TACC2: variants seen among roughly 807,000 people sequenced by gnomAD.
The protein encoded by TACC2 is transforming acidic coiled-coil containing protein 2.
In TACC2, 137 loss-of-function variants were observed where a neutral mutation model predicts 227.3. That is an observed-to-expected ratio of 0.60 (90% CI 0.52 to 0.69). TACC2 has a LOEUF of 0.69. TACC2 is among the 30% of genes least tolerant of loss of function. The probability of loss-of-function intolerance (pLI) is 0.00; values close to 1 mark genes in which losing one functional copy is unlikely to be tolerated. For missense variants in TACC2, 3,470 were observed against 3,694.4 expected (o/e 0.94, Z 1.57); for synonymous variants, 1,523 against 1,487.5 (o/e 1.02, Z -0.55).
intron 5 of TACC2, among the ~76,000 whole-genome samples, chr10:122,102,349 C>G (rs76333658): frequency 6.6e-6 from 1 of 152,320 alleles, no homozygotes; most frequent in East Asian, 1.9e-4. Flanking sequence ...GCAGATCAAA[C>G]CAACTCGGCT....
chr10:122,023,389 C>T (rs1479447658), intron 2 of TACC2: 1 of 152,084 alleles, frequency 6.6e-6, no homozygotes, highest in Non-Finnish European at 1.5e-5. Flanking sequence ...TTGTCAAACT[C>T]CAGCATCTTT....
chr10:122,121,471 G>A (rs999634162), intron 5 of TACC2, among the ~76,000 whole-genome samples: 20 of 152,228 alleles, frequency 1.3e-4, no homozygotes, highest in South Asian at 4.1e-4. Flanking sequence ...GTCTGGCCCC[G>A]GGCTCTGGCC....
rs56353338 is a variant in TACC2, at chr10:122,150,728, C to T, written c.5834+7022C>T. The stretch of plus-strand genomic sequence containing the variant: ...CCGAGTGCCTCGCCGTGTTGATGAG[C>T]CAGTTTCTTTAATACTTCGCTGTCA... On this transcript the variant is annotated intron_variant, in intron 7 of 22. Coordinates refer to ENST00000369005, the MANE Select transcript of TACC2 (RefSeq NM_206862.4). The surrounding 1 kb of genome is among the most constrained non-coding windows in gnomAD (Gnocchi z 4.0). 0.11 allele frequency among the ~76,000 whole-genome samples: 16,484 copies of T among 152,170 alleles called. 1,005 individuals are homozygous for T. Among genetic ancestry groups the T allele is most frequent in the Admixed American group, 0.16 (2,405 of 15,300 alleles).
intron 5 of TACC2, among the ~76,000 whole-genome samples, chr10:122,103,402 A>G (rs2082390044): frequency 6.6e-6 from 1 of 152,230 alleles, no homozygotes; most frequent in South Asian, 2.1e-4. Flanking sequence ...TACCTGCTGC[A>G]TAGGCTCATT....
At chr10:122,233,803 C>T (rs555513031) in intron 16 of TACC2, among the ~76,000 whole-genome samples, 53 of 152,140 alleles carry the variant, frequency 3.5e-4, no homozygotes, top group African/African-American at 1.0e-3. Flanking sequence ...TGGGCAGGAG[C>T]GGCTGGCTGT....
intron 1 of TACC2, among the ~76,000 whole-genome samples, chr10:122,012,153 A>G (rs1309459494): frequency 6.6e-6 from 1 of 151,982 alleles, no homozygotes; most frequent in Non-Finnish European, 1.5e-5. Context: ...CGGACACGGT[A>G]GCTCATGCCT....
intron 9 of TACC2, among the ~76,000 whole-genome samples, chr10:122,214,541 C>T (rs569232298): frequency 3.9e-5 from 6 of 152,116 alleles, no homozygotes; most frequent in African/African-American, 9.6e-5. Context: ...GGGCTGGAGA[C>T]GGGGCAGGGG....
Position 122,085,213 on chromosome 10 carries a change from C to T in TACC2, c.2713C>T (p.Leu905Phe). ...TTTGGGATCAGAACTTCAAAGTCAG[C>T]TCCCCAAAGGCACCCTGTCTGATAC... ...QALGSELQSQ[L>F]PKGTLSDTPT... is the part of the protein sequence containing the mutation. Residue 905 changes from leucine to phenylalanine, a missense_variant, in exon 4 of 23, where the codon CTC becomes TTC. Physicochemically the swap from Leu to Phe is conservative, Grantham distance 22. Transcript: ENST00000369005. 4.3e-6 allele frequency: 7 copies of T among 1,614,054 alleles called. No individual in the cohort carries two copies. Among genetic ancestry groups the T allele is most frequent in the Non-Finnish European group, 5.9e-6 (7 of 1,180,038 alleles).
intron 2 of TACC2, among the ~76,000 whole-genome samples, chr10:122,049,143 C>T (rs566591397): frequency 1.3e-5 from 2 of 152,322 alleles, no homozygotes; most frequent in African/African-American, 4.8e-5. Flanking sequence ...TTGCTAGTGA[C>T]AGAAATTCAG....
At chr10:122,212,010 T>A (rs1057466935) in intron 9 of TACC2, among the ~76,000 whole-genome samples, 2 of 152,246 alleles carry the variant, frequency 1.3e-5, no homozygotes, top group Non-Finnish European at 2.9e-5. Flanking sequence ...TCCAGAGCAA[T>A]CTGGGAGATC....
At chr10:122,036,588 T>G (rs1960478106) in intron 2 of TACC2, among the ~76,000 whole-genome samples, 1 of 146,932 alleles carries the variant, frequency 6.8e-6, no homozygotes, top group Non-Finnish European at 1.5e-5. Context: ...GCAACCTCCA[T>G]CTCCCAAGTT....
At chr10:122,164,089 G>A (rs2093001070) in intron 7 of TACC2, 1 of 1,446,020 alleles carries the variant, frequency 6.9e-7, no homozygotes, top group African/African-American at 1.4e-5. Flanking sequence ...TGTGCAACCT[G>A]GAGCCCAGGC....
chr10:122,022,155 A>T, intron 2 of TACC2, 141 bp downstream of exon 2: 2 of 723,532 alleles, frequency 2.8e-6, no homozygotes, highest in Non-Finnish European at 4.7e-6. Flanking sequence ...GCATTTATGG[A>T]TCTATGCAGC....
chr10:122,206,510 G>A (rs2095113871), intron 8 of TACC2, among the ~76,000 whole-genome samples: 1 of 152,210 alleles, frequency 6.6e-6, no homozygotes, highest in Non-Finnish European at 1.5e-5. Context: ...CAGAGAAAAG[G>A]CCATCTGCAA....
intron 7 of TACC2, among the ~76,000 whole-genome samples, chr10:122,146,306 T>C (rs1046606950): frequency 6.6e-6 from 1 of 152,170 alleles, no homozygotes; most frequent in African/African-American, 2.4e-5. Flanking sequence ...GTTATCAATA[T>C]ATTGATACAT....
intron 5 of TACC2, among the ~76,000 whole-genome samples, chr10:122,129,272 C>T (rs112155784): frequency 1.3e-5 from 2 of 151,642 alleles, no homozygotes; most frequent in East Asian, 3.9e-4. Context: ...TGGCCAGGCT[C>T]GTCTCGAACT....
At chr10:122,223,051 CTCTTT>C (rs2095552728) in intron 11 of TACC2, among the ~76,000 whole-genome samples, 1 of 133,782 alleles carries the variant, frequency 7.5e-6, no homozygotes, top group Non-Finnish European at 1.5e-5. Flanking sequence ...CTCTCTCTCT[CTCTTT>C]TTTTTTTTTT....
intron 5 of TACC2, among the ~76,000 whole-genome samples, chr10:122,107,878 A>ATTTTTTTTTTTTTTTTTTTTTTT (rs1204393563): frequency 1.1e-5 from 1 of 88,450 alleles, no homozygotes; most frequent in Non-Finnish European, 2.1e-5. Flanking sequence ...ATATATATAT[A>ATTTTTTTTTTTTTTTTTTTTTTT]TATTTTTTTT....
rs569695796 is a variant in TACC2, at chr10:122,248,970, C to T, written c.8554-80C>T. On this transcript the variant is annotated intron_variant, in intron 20 of 22. Coordinates refer to ENST00000369005, the MANE Select transcript of TACC2 (RefSeq NM_206862.4). ...GGCCGCCTGGGGTTACACCTGCATC[C>T]GAGAGTTCCTGGGGTTCCCACCAGT... 2.2e-4 allele frequency: 324 copies of T among 1,498,868 alleles called. No individual in the cohort carries two copies. The Middle Eastern group carries it at 2.9e-3, about 14-fold the overall frequency. The allele number at this position is 1,498,868 out of a possible 1,614,324, so 92.8% of individuals were successfully genotyped here.
Sources: gnomAD v4.1 joint callset for allele counts (sites outside exome capture counted in the v4.1 genomes callset) on GRCh38, gnomAD v4.1.1 for gene constraint, Gnocchi (gnomAD v3.1) non-coding constraint, MANE v1.5 for transcripts, NCBI Gene and HGNC (gene_info 2026-07-23, HGNC 2026-07-21) for gene names.